FAM162A: variants seen among roughly 807,000 people sequenced by gnomAD.
FAM162A encodes protein FAM162A.
A neutral mutation model predicts 21.8 loss-of-function variants in FAM162A; 23 were observed. The observed-to-expected ratio is 1.05, with a 90% CI of 0.76 to 1.49. The LOEUF (loss-of-function observed/expected upper bound fraction) is 1.49. Among genes scored for constraint, FAM162A ranks in the 40% most tolerant of loss-of-function variants. The pLI is 0.00. For missense variants in FAM162A, 165 were observed against 186.4 expected, an observed-to-expected ratio of 0.89 and a Z score of 0.67; for synonymous variants, 53 against 61.3, an observed-to-expected ratio of 0.86 and a Z score of 0.64.
intron 1 of FAM162A, among the ~76,000 whole-genome samples, chr3:122,400,184 A>G (rs1429306174): frequency 2.0e-5 from 3 of 152,238 alleles, no homozygotes; most frequent in African/African-American, 7.2e-5. Context: ...ATGGAATACT[A>G]TGCAGCCATA....
chr3:122,401,428 CAG>C (rs1388627787), intron 1 of FAM162A: 3 of 1,107,050 alleles, frequency 2.7e-6, no homozygotes, highest in African/African-American at 3.4e-5. Context: ...TTATGGGTGA[CAG>C]GGAGAGAGAT....
intron 4 of FAM162A, among the ~76,000 whole-genome samples, chr3:122,409,379 G>A (rs553240271): frequency 6.6e-6 from 1 of 152,168 alleles, no homozygotes. Context: ...AGAGAAAAGT[G>A]AAAGAAGAAA....
chr3:122,407,658 G>A, intron 4 of FAM162A: 2 of 477,288 alleles, frequency 4.2e-6, no homozygotes. Context: ...TCTGATGACA[G>A]GTGTCATAAT....
At chr3:122,397,387 A>ATCTAT (rs2075633472) in intron 1 of FAM162A, among the ~76,000 whole-genome samples, 2 of 152,100 alleles carry the variant, frequency 1.3e-5, no homozygotes, top group African/African-American at 4.8e-5. Context: ...CAGTCTTTTT[A>ATCTAT]TCTATTAGCA....
intron 1 of FAM162A, among the ~76,000 whole-genome samples, chr3:122,387,894 C>T (rs747463804): frequency 8.6e-5 from 13 of 151,388 alleles, no homozygotes; most frequent in East Asian, 1.9e-4. Flanking sequence ...CATGTAGGGG[C>T]GGTAATGAGT....
At chr3:122,390,381 A>G (rs1041324890) in intron 1 of FAM162A, among the ~76,000 whole-genome samples, 3 of 152,174 alleles carry the variant, frequency 2.0e-5, no homozygotes, top group Non-Finnish European at 4.4e-5. Flanking sequence ...AGTTTCAGAT[A>G]GACACTCTGG....
chr3:122,407,462 C>T (rs1159235095), intron 4 of FAM162A, 73 bp downstream of exon 4: 1 of 1,188,582 alleles, frequency 8.4e-7, no homozygotes, highest in Non-Finnish European at 1.2e-6. Context: ...AGGGATTGAC[C>T]CTTGTATTTA....
At chr3:122,400,381 G>T (rs948580011) in intron 1 of FAM162A, among the ~76,000 whole-genome samples, 5 of 151,686 alleles carry the variant, frequency 3.3e-5, no homozygotes, top group Non-Finnish European at 5.9e-5. Flanking sequence ...GGGGGTGGGG[G>T]TTTAGGGGAG....
intron 3 of FAM162A, among the ~76,000 whole-genome samples, chr3:122,406,697 G>C (rs7615673): frequency 0.13 from 19,476 of 152,254 alleles, 1,423 homozygotes; most frequent in East Asian, 0.32. Flanking sequence ...TACTATTTTA[G>C]ATATTCTCAA....
At chr3:122,409,633 A>T (rs1288574041) in intron 4 of FAM162A, 106 bp from the exon 5 acceptor site, 2 of 893,116 alleles carry the variant, frequency 2.2e-6, no homozygotes, top group Admixed American at 3.9e-5. Flanking sequence ...GCAGCAGAGG[A>T]CTCCATGCCT....
Position 122,384,201 on chromosome 3 carries a change from T to A in FAM162A, c.-65T>A. On this transcript the variant is annotated 5_prime_UTR_variant, in exon 1 of 5. It adds an upstream start codon to the 5' untranslated region. Coordinates refer to ENST00000477892, the MANE Select transcript of FAM162A (RefSeq NM_014367.4). ...CTTCCCACTCCAACGCTGGGTGACATTGAGCTCACCAGCGCCACCGTCCCC... is the reference window on the plus strand; with the variant it reads ...CTTCCCACTCCAACGCTGGGTGACAATGAGCTCACCAGCGCCACCGTCCCC... 1 of 1,546,148 alleles carries A rather than the reference T, an allele frequency of 6.5e-7. No individual in the cohort carries two copies. Among genetic ancestry groups the A allele is most frequent in the South Asian group, 1.2e-5 (1 of 83,872 alleles).
chr3:122,406,758 A>G (rs2075677786), intron 3 of FAM162A, among the ~76,000 whole-genome samples: 1 of 152,262 alleles, frequency 6.6e-6, no homozygotes, highest in South Asian at 2.1e-4. Context: ...TATGGAGCAC[A>G]TTGGTTAACT....
intron 1 of FAM162A, among the ~76,000 whole-genome samples, chr3:122,399,929 C>T (rs902381855): frequency 2.6e-5 from 4 of 152,102 alleles, no homozygotes; most frequent in Non-Finnish European, 5.9e-5. Context: ...CATGGTAAAA[C>T]CCCGTCTCTA....
intron 4 of FAM162A, among the ~76,000 whole-genome samples, chr3:122,408,775 C>T (rs976647571): frequency 2.0e-5 from 3 of 152,188 alleles, no homozygotes; most frequent in African/African-American, 7.2e-5. Flanking sequence ...AGTTTAAATA[C>T]TCCAGAAGCA....
intron 1 of FAM162A, among the ~76,000 whole-genome samples, chr3:122,385,042 C>T (rs1175292036): frequency 2.0e-5 from 3 of 152,156 alleles, no homozygotes; most frequent in African/African-American, 2.4e-5. Flanking sequence ...TGCATTTTGA[C>T]TCTTTTCTGG....
chr3:122,400,229 G>A (rs1332110224), intron 1 of FAM162A, among the ~76,000 whole-genome samples: 1 of 152,208 alleles, frequency 6.6e-6, no homozygotes, highest in East Asian at 1.9e-4. Flanking sequence ...CAGGGACATG[G>A]ATGAAGCTGG....
In FAM162A at chr3:122,410,372, T is replaced by C. The variant is rs1432100498; in HGVS notation, c.*541T>C. The C allele has an allele frequency of 1.3e-5, 2 of 158,430 alleles. No individual in the cohort carries two copies. Among genetic ancestry groups the C allele is most frequent in the African/African-American group, 4.8e-5 (2 of 41,470 alleles). 9.8% of individuals were successfully genotyped at this position (158,430 alleles called of 1,614,324 possible). ...TAGTTTTTTAAACATTCTGACAAGGTCCAGCCAGGAATTTCTAAGGACTTA... is the reference window on the plus strand; with the variant it reads ...TAGTTTTTTAAACATTCTGACAAGGCCCAGCCAGGAATTTCTAAGGACTTA... On this transcript the variant is annotated 3_prime_UTR_variant, in exon 5 of 5. Coordinates refer to ENST00000477892, the MANE Select transcript of FAM162A (RefSeq NM_014367.4).
At position 122,407,323 on chromosome 3, in the gene FAM162A, G is replaced by C. The variant is rs1436079018; in HGVS notation, c.306G>C (p.Lys102Asn). ...LDAAKNKMRV[K>N]ISYLMIALTV... ...CTGCAAAGAACAAGATGCGAGTGAA[G>C]ATCAGCTATCTAATGATTGCCCTGA... The change falls in exon 4 of 5, where the codon AAG becomes AAC. Residue 102 changes from lysine (K) to asparagine (N), a missense_variant. Lys to Asn is a moderately conservative substitution (Grantham distance 94). Transcript: ENST00000477892. 6.2e-7 allele frequency: 1 copy of C among 1,614,116 alleles called. No individual in the cohort carries two copies. The highest frequency in any genetic ancestry group is 2.2e-5 in the East Asian group (1 of 44,868).
intron 1 of FAM162A, among the ~76,000 whole-genome samples, chr3:122,390,292 C>A (rs1427544561): frequency 1.1e-5 from 1 of 93,566 alleles, no homozygotes; most frequent in African/African-American, 3.0e-5. Flanking sequence ...TTTCTTCAAG[C>A]CTGCAGGGAA....
Sources: allele counts gnomAD v4.1 joint callset (sites outside exome capture counted in the v4.1 genomes callset), GRCh38; gene constraint gnomAD v4.1.1; transcripts MANE v1.5; gene names NCBI Gene and HGNC (gene_info 2026-07-23, HGNC 2026-07-21).